DLD: variants seen among roughly 807,000 people sequenced by gnomAD.
DLD encodes dihydrolipoyl dehydrogenase, mitochondrial.
A neutral mutation model predicts 62.2 loss-of-function variants in DLD; 36 were observed. The ratio of observed to expected loss-of-function variants is 0.58; its 90% CI spans 0.44 to 0.76. DLD has a LOEUF of 0.76. Ranked by LOEUF, DLD falls within the 30% of genes least tolerant of loss-of-function variation. The pLI, the probability that DLD is intolerant of heterozygous loss-of-function variation, is 0.00. For synonymous variants in DLD, 204 were observed against 199.6 expected (o/e 1.02, Z -0.19); for missense variants, 541 against 608.6 (o/e 0.89, Z 1.17).
chr7:107,902,467 A>G, intron 4 of DLD, 74 bp downstream of exon 4: 2 of 1,221,660 alleles, frequency 1.6e-6, no homozygotes, highest in South Asian at 1.2e-5. Flanking sequence ...TTGAGACTAG[A>G]TTAGACAAAT....
Position 107,905,039 on chromosome 7 carries a change from A to T in DLD, c.419A>T (p.His140Leu). 1 of 1,609,050 alleles carries T rather than the reference A, an allele frequency of 6.2e-7. No homozygotes were observed. Among genetic ancestry groups the T allele is most frequent in the Non-Finnish European group, 8.5e-7 (1 of 1,175,784 alleles). The change falls in exon 6 of 14, where the codon CAC becomes CTC. Residue 140 changes from histidine to leucine, a missense_variant. His to Leu is a moderately conservative substitution (Grantham distance 99). Transcript: ENST00000205402. The part of the protein sequence containing the change: ...AVKALTGGIA[H>L]LFKQNKVVHV... ...AAAGCTTTAACAGGTGGAATTGCCCACTTATTCAAACAGAATAAGGTCAGT... is the reference window on the plus strand; with the variant it reads ...AAAGCTTTAACAGGTGGAATTGCCCTCTTATTCAAACAGAATAAGGTCAGT...
intron 4 of DLD, among the ~76,000 whole-genome samples, chr7:107,903,136 C>T (rs189638958): frequency 6.6e-6 from 1 of 152,230 alleles, no homozygotes; most frequent in Non-Finnish European, 1.5e-5. Context: ...CGGTGGCTCA[C>T]GTCTGTAATC....
At chr7:107,915,838 A>G (rs945040671) in intron 9 of DLD, 142 bp downstream of exon 9, 11 of 681,078 alleles carry the variant, frequency 1.6e-5, no homozygotes, top group Non-Finnish European at 2.7e-5. Flanking sequence ...GTTGCTTATC[A>G]AATTATTGCA....
In DLD at chr7:107,906,253, TG is replaced by T; in HGVS notation, c.583-13del. The T allele has an allele frequency of 2.7e-6, 4 of 1,474,120 alleles. No homozygotes were observed. The highest frequency in any genetic ancestry group is 3.8e-6 in the Non-Finnish European group (4 of 1,053,296). 91.3% of individuals were successfully genotyped at this position (1,474,120 alleles called of 1,614,324 possible). On this transcript the variant is annotated splice_polypyrimidine_tract_variant and intron_variant, in intron 7 of 13. Coordinates refer to ENST00000205402, the MANE Select transcript of DLD (RefSeq NM_000108.5). ...TTCAAATTATTTTGATTATATCTTT[TG>T]TTTTTCTTACAGATAGATGAAGATA...
In DLD at chr7:107,905,390, A is replaced by T. The variant is rs760280341; in HGVS notation, c.468A>T (p.Ile156=). Residue 156 remains isoleucine, a synonymous_variant, in exon 7 of 14, where the codon ATA becomes ATT. Transcript: ENST00000205402. ...TTCATGTCAATGGATATGGAAAGATAACTGGCAAAAATCAAGTCACTGCTA... is the reference window on the plus strand; with the variant it reads ...TTCATGTCAATGGATATGGAAAGATTACTGGCAAAAATCAAGTCACTGCTA... ...KVVHVNGYGK[I]TGKNQVTATK... 6.2e-7 allele frequency: 1 copy of T among 1,613,802 alleles called. No individual in the cohort carries two copies. Among genetic ancestry groups the T allele is most frequent in the Admixed American group, 1.7e-5 (1 of 60,012 alleles).
Position 107,905,392 on chromosome 7 carries a change from C to G in DLD, c.470C>G (p.Thr157Ser), listed in dbSNP as rs142232609. 71 of 1,613,616 alleles carry G rather than the reference C, an allele frequency of 4.4e-5. No individual in the cohort carries two copies. The Admixed American group carries it at 9.3e-4, about 21-fold the overall frequency. Residue 157 changes from threonine (T) to serine (S), a missense_variant, in exon 7 of 14, where the codon ACT becomes AGT. By Grantham distance (58) the Thr-to-Ser change is moderately conservative. Coordinates refer to ENST00000205402, the MANE Select transcript of DLD (RefSeq NM_000108.5). ...CATGTCAATGGATATGGAAAGATAACTGGCAAAAATCAAGTCACTGCTACG... is the reference window on the plus strand; with the variant it reads ...CATGTCAATGGATATGGAAAGATAAGTGGCAAAAATCAAGTCACTGCTACG... ...VVHVNGYGKITGKNQVTATKA... is the reference protein window; with the variant it reads ...VVHVNGYGKISGKNQVTATKA...
At chr7:107,911,601 T>TG (rs1477858194) in intron 8 of DLD, among the ~76,000 whole-genome samples, 3 of 152,186 alleles carry the variant, frequency 2.0e-5, no homozygotes, top group Non-Finnish European at 4.4e-5. Flanking sequence ...AAATTTTTGT[T>TG]GCTCTGCTTT....
intron 2 of DLD, among the ~76,000 whole-genome samples, chr7:107,900,362 A>G (rs2031848229): frequency 6.6e-6 from 1 of 152,176 alleles, no homozygotes; most frequent in African/African-American, 2.4e-5. Flanking sequence ...AGGTCAGAAT[A>G]TAGCTACTAT....
At chr7:107,916,415 C>T (rs932320661) in intron 9 of DLD, among the ~76,000 whole-genome samples, 2 of 152,154 alleles carry the variant, frequency 1.3e-5, no homozygotes, top group African/African-American at 4.8e-5. Flanking sequence ...TGGCTCACAC[C>T]TGTAATCCCA....
chr7:107,913,840 C>T (rs2032201693), intron 8 of DLD, among the ~76,000 whole-genome samples: 1 of 152,058 alleles, frequency 6.6e-6, no homozygotes, highest in African/African-American at 2.4e-5. Context: ...TCAATTTTTT[C>T]CCATTCAGTA....
chr7:107,918,568 G>C (rs1179570433), intron 12 of DLD, among the ~76,000 whole-genome samples: 1 of 152,152 alleles, frequency 6.6e-6, no homozygotes, highest in African/African-American at 2.4e-5. Flanking sequence ...CAGCTCAAAT[G>C]TTACCTCCTA....
At chr7:107,909,806 G>C (rs1288071430) in intron 8 of DLD, among the ~76,000 whole-genome samples, 5 of 134,628 alleles carry the variant, frequency 3.7e-5, no homozygotes, top group Non-Finnish European at 8.1e-5. Context: ...TGCCTGTTTT[G>C]TCATACTCTA....
intron 8 of DLD, among the ~76,000 whole-genome samples, chr7:107,914,662 A>G (rs182918143): frequency 8.3e-4 from 126 of 152,304 alleles, no homozygotes; most frequent in African/African-American, 2.9e-3. Context: ...AATTTAGGGA[A>G]GGTAAACTTT....
chr7:107,893,323 G>C (rs1489320713), intron 2 of DLD, 45 bp downstream of exon 2: 9 of 1,413,728 alleles, frequency 6.4e-6, no homozygotes, highest in Admixed American at 1.8e-5. Context: ...TTAGCTGACA[G>C]TTCCTTTCTA....
At chr7:107,905,128 A>G in intron 6 of DLD, 70 bp downstream of exon 6, 1 of 1,196,760 alleles carries the variant, frequency 8.4e-7, no homozygotes, top group Non-Finnish European at 1.2e-6. Flanking sequence ...TAGAGTGATG[A>G]TATTTGAACT....
In DLD at chr7:107,917,425, C is replaced by G. The variant is rs1019325749; in HGVS notation, c.1199C>G (p.Ala400Gly). Residue 400 changes from alanine (A) to glycine (G), a missense_variant, in exon 11 of 14, where the codon GCT becomes GGT. Coordinates refer to ENST00000205402, the MANE Select transcript of DLD (RefSeq NM_000108.5). Reference sequence around the variant, plus strand: ...GTGATTTACACACACCCTGAAGTTGCTTGGGTTGGCAAATCAGAAGAGCAG... The same window carrying G: ...GTGATTTACACACACCCTGAAGTTGGTTGGGTTGGCAAATCAGAAGAGCAG... ...PSVIYTHPEV[A>G]WVGKSEEQLK... The G allele has an allele frequency of 6.2e-7, 1 of 1,614,106 alleles. No homozygotes were observed. Among genetic ancestry groups the G allele is most frequent in the South Asian group, 1.1e-5 (1 of 91,090 alleles).
rs146124800 is a variant in DLD, at chr7:107,905,522, T to C, written c.582+18T>C. 113 of 1,611,544 alleles carry C rather than the reference T, an allele frequency of 7.0e-5. No individual in the cohort carries two copies. In the Middle Eastern group the frequency reaches 2.5e-3, roughly 35 times the overall value. On this transcript the variant is annotated intron_variant, in intron 7 of 13. Coordinates refer to ENST00000205402, the MANE Select transcript of DLD (RefSeq NM_000108.5). ...GAATCACGGTATTTATGCTTCATAATTTACAACCATTACAACTTTTCTTTA... is the reference window on the plus strand; with the variant it reads ...GAATCACGGTATTTATGCTTCATAACTTACAACCATTACAACTTTTCTTTA...
In DLD at chr7:107,920,635, G is replaced by C. The variant is rs954700744; in HGVS notation, c.*1376G>C. 9 of 152,358 alleles carry C rather than the reference G, an allele frequency of 5.9e-5. No homozygotes were observed. The highest frequency in any genetic ancestry group is 2.2e-4 in the African/African-American group (9 of 41,582). The allele number at this position is 152,358 out of a possible 1,614,324, so 9.4% of individuals were successfully genotyped here. ...CCAGAGTTTGGGCAGAAGGAAGTCT[G>C]CCCCTTCTGTGCCTCCTGTTTTTTG... On this transcript the variant is annotated 3_prime_UTR_variant, in exon 14 of 14. Transcript: ENST00000205402.
chr7:107,896,190 G>A (rs891344437), intron 2 of DLD, among the ~76,000 whole-genome samples: 1 of 152,216 alleles, frequency 6.6e-6, no homozygotes, highest in South Asian at 2.1e-4. Flanking sequence ...CCAACAGAGC[G>A]TAACAACAGA....
Sources: allele counts gnomAD v4.1 joint callset (sites outside exome capture counted in the v4.1 genomes callset), GRCh38; gene constraint gnomAD v4.1.1; transcripts MANE v1.5; gene names NCBI Gene and HGNC (gene_info 2026-07-23, HGNC 2026-07-21).